Variants in CBX7 observed in about 807,000 individuals in gnomAD.
CBX7 encodes the protein chromobox 7.
Under a neutral mutation model 31.4 loss-of-function variants are expected in CBX7, and 14 were observed. The ratio of observed to expected loss-of-function variants is 0.45; its 90% CI spans 0.29 to 0.70. The LOEUF is 0.70. Ranked by LOEUF, CBX7 falls within the 30% of genes least tolerant of loss-of-function variation. CBX7 has a pLI of 0.11. For synonymous variants in CBX7, 159 were observed against 152.6 expected, an observed-to-expected ratio of 1.04 and a Z score of -0.31; for missense variants, 269 against 351.9, an observed-to-expected ratio of 0.76 and a Z score of 1.89.
chr22:39,138,520 G>A lies in CBX7; in HGVS notation c.246+116C>T, dbSNP rs1287769997. On this transcript the variant is annotated intron_variant, in intron 4 of 5. Coordinates refer to ENST00000216133, the MANE Select transcript of CBX7 (RefSeq NM_175709.5). ...TGCCCCACCCCACAGTGCCCTGGGT[G>A]GTACAGGCGAGGGGACACAGATCAG... 23 of 949,166 alleles carry A rather than the reference G, an allele frequency of 2.4e-5. 1 individual carries two copies. The highest frequency in any genetic ancestry group is 3.6e-5 in the Non-Finnish European group (21 of 581,604). The allele number at this position is 949,166 out of a possible 1,614,324, so 58.8% of individuals were successfully genotyped here.
intron 1 of CBX7, 24 bp from the exon 2 acceptor site, chr22:39,149,856 C>T (rs1930790347): frequency 6.2e-7 from 1 of 1,610,916 alleles, no homozygotes; most frequent in Non-Finnish European, 8.5e-7. Context: ...GAAGCAGACA[C>T]AGTGAGTCTC....
intron 2 of CBX7, chr22:39,147,006 C>G (rs1318661970): frequency 6.6e-6 from 1 of 151,996 alleles, no homozygotes; most frequent in African/African-American, 2.4e-5. Context: ...AAGAGAGCCC[C>G]TCTGCCACAC....
rs904951702 is a variant in CBX7 at position 39,152,157 on chromosome 22, T to G, written c.69+219A>C. Among the ~76,000 whole-genome samples, 1 of 152,054 alleles carries G rather than the reference T, an allele frequency of 6.6e-6. No homozygotes were observed. The highest frequency in any genetic ancestry group is 2.4e-5 in the African/African-American group (1 of 41,404). On this transcript the variant is annotated intron_variant, in intron 1 of 5. Transcript: ENST00000216133. This position sits in a 1 kb window ranked among gnomAD's most constrained non-coding sequence, Gnocchi z 4.9. The stretch of plus-strand genomic sequence containing the variant: ...ATCCTAATCTCCAGCTCAGGCAGGC[T>G]CGGCCGCCACTAGCATCCTGGAGCG...
At chr22:39,140,178 T>C (rs962339149) in intron 3 of CBX7, among the ~76,000 whole-genome samples, 5 of 152,140 alleles carry the variant, frequency 3.3e-5, no homozygotes, top group African/African-American at 1.2e-4. Flanking sequence ...GCTTAGCACA[T>C]ACCAATGAAC....
intron 1 of CBX7, among the ~76,000 whole-genome samples, chr22:39,151,447 T>C (rs1214322848): frequency 6.6e-6 from 1 of 152,232 alleles, no homozygotes; most frequent in African/African-American, 2.4e-5. Flanking sequence ...CTCGGTGACC[T>C]TGAGCAGGTC....
At chr22:39,149,520 G>A in intron 2 of CBX7, 1 of 536,208 alleles carries the variant, frequency 1.9e-6, no homozygotes, top group Non-Finnish European at 3.3e-6. Flanking sequence ...CACAGGGAGG[G>A]GAGGAGGGAG....
At chr22:39,142,815 T>C (rs1027375283) in intron 2 of CBX7, among the ~76,000 whole-genome samples, 2 of 152,034 alleles carry the variant, frequency 1.3e-5, no homozygotes, top group African/African-American at 4.8e-5. Flanking sequence ...GCGCATGTAA[T>C]GGTGGACCCA....
intron 4 of CBX7, among the ~76,000 whole-genome samples, chr22:39,137,987 C>G (rs1569107403): frequency 6.6e-6 from 1 of 152,072 alleles, no homozygotes; most frequent in African/African-American, 2.4e-5. Context: ...CGAGACCATC[C>G]TGGCCAACAC....
In CBX7 at chr22:39,131,661, G is replaced by C. The variant is rs1383381271; in HGVS notation, c.*2230C>G. ...CCATAAAGGGCTGAGTAAGAGGAAA[G>C]ATGTGTCCTGCTGCTGCAGACAAAA... On this transcript the variant is annotated 3_prime_UTR_variant, in exon 6 of 6. Coordinates refer to ENST00000216133, the MANE Select transcript of CBX7 (RefSeq NM_175709.5). 6.6e-6 allele frequency: 1 copy of C among 152,240 alleles called. No individual in the cohort carries two copies. The highest frequency in any genetic ancestry group is 1.5e-5 in the Non-Finnish European group (1 of 68,070). The allele number at this position is 152,240 out of a possible 1,614,324, so 9.4% of individuals were successfully genotyped here.
intron 3 of CBX7, 158 bp downstream of exon 3, chr22:39,141,213 T>A: frequency 1.7e-6 from 1 of 587,934 alleles, no homozygotes; most frequent in Non-Finnish European, 3.0e-6. Context: ...GCCCTGGGAC[T>A]CAGTGCCCAC....
chr22:39,145,788 T>TCCCCG lies in CBX7; in HGVS notation c.113+3996_113+4000dup, dbSNP rs567429506. Among the ~76,000 whole-genome samples the TCCCCG allele has an allele frequency of 5.3e-3, 771 of 144,602 alleles. 5 individuals are homozygous for TCCCCG. Among genetic ancestry groups the TCCCCG allele is most frequent in the African/African-American group, 0.018 (703 of 39,418 alleles). 94.9% of individuals were successfully genotyped at this position (144,602 alleles called of 152,430 possible). On this transcript the variant is annotated intron_variant, in intron 2 of 5. Transcript: ENST00000216133. ...CCGAGATAAACACGGCCACGTGACC[T>TCCCCG]CCCCGCCCCGCCCCACGGCCGGGTA...
intron 2 of CBX7, among the ~76,000 whole-genome samples, chr22:39,146,597 A>C (rs1930669227): frequency 1.3e-5 from 2 of 152,272 alleles, no homozygotes; most frequent in African/African-American, 2.4e-5. Flanking sequence ...TGTATCAGGC[A>C]GCCCGTAGTT....
intron 4 of CBX7, 173 bp from the exon 5 acceptor site, chr22:39,134,925 GC>G: frequency 1.7e-6 from 1 of 582,696 alleles, no homozygotes; most frequent in East Asian, 2.9e-5. Context: ...CAGAGAGTGC[GC>G]CCCGGGCAAC....
At chr22:39,149,637 C>G (rs1371760649) in intron 2 of CBX7, 152 bp downstream of exon 2, 1 of 700,508 alleles carries the variant, frequency 1.4e-6, no homozygotes, top group East Asian at 2.5e-5. Context: ...GAAACTGAGG[C>G]CCAGAGAAGA....
intron 3 of CBX7, among the ~76,000 whole-genome samples, chr22:39,140,482 G>C (rs1460558790): frequency 1.3e-5 from 2 of 152,200 alleles, no homozygotes; most frequent in Non-Finnish European, 2.9e-5. Context: ...AAATCTCCTG[G>C]AGAAGGAGCC....
rs1318525216 is a variant in CBX7 at position 39,134,671 on chromosome 22, C to T, written c.328G>A (p.Gly110Ser). Reference sequence around the variant, plus strand: ...ACCACCCCCTCAGGGCTCCCGCTGCCGAGTGGGCACGTCAGGGAGAAGCAG... The same window carrying T: ...ACCACCCCCTCAGGGCTCCCGCTGCTGAGTGGGCACGTCAGGGAGAAGCAG... Reference protein sequence around the residue: ...KLCFSLTCPLGSGSPEGVVKA... With the variant: ...KLCFSLTCPLSSGSPEGVVKA... Residue 110 changes from glycine (G) to serine (S), a missense_variant, in exon 5 of 6, where the codon GGC becomes AGC. This residue lies in a region of CBX7 where 222 missense variants were observed against 240.4 expected (regional missense o/e 0.92). Transcript: ENST00000216133. 1.9e-5 allele frequency: 30 copies of T among 1,585,704 alleles called. No individual in the cohort carries two copies. The highest frequency in any genetic ancestry group is 2.3e-5 in the South Asian group (2 of 87,494).
rs1266236377 is a variant in CBX7 at position 39,138,714 on chromosome 22, A to G, written c.180-12T>C. 6.2e-7 allele frequency: 1 copy of G among 1,613,720 alleles called. No homozygotes were observed. The highest frequency in any genetic ancestry group is 8.5e-7 in the Non-Finnish European group (1 of 1,179,642). On this transcript the variant is annotated splice_polypyrimidine_tract_variant and intron_variant, in intron 3 of 5. Transcript: ENST00000216133. ...GGTCTCTCTCCTCCCTGGGGTGTGA[A>G]GCAGGTGGCAGAAGAAAAGGAAACA... is the stretch of plus-strand genomic sequence containing the variant.
intron 3 of CBX7, chr22:39,141,151 G>A (rs1315379297): frequency 9.6e-6 from 5 of 521,996 alleles, no homozygotes; most frequent in Non-Finnish European, 1.7e-5. Flanking sequence ...GGTGGGTAAA[G>A]GAAGTGACCG....
intron 4 of CBX7, chr22:39,135,159 G>A (rs890741994): frequency 1.1e-5 from 2 of 175,946 alleles, no homozygotes; most frequent in Non-Finnish European, 2.4e-5. Flanking sequence ...TCACCCGGGA[G>A]ATGGTGCAGG....
Sources: allele counts gnomAD v4.1 joint callset (sites outside exome capture counted in the v4.1 genomes callset), GRCh38; gene constraint gnomAD v4.1.1; regional missense constraint gnomAD v4.1.1; non-coding constraint Gnocchi (gnomAD v3.1); transcripts MANE v1.5; gene names NCBI Gene and HGNC (gene_info 2026-07-23, HGNC 2026-07-21).